The following MYO18B variants were observed in gnomAD, a reference collection of about 807,000 sequenced individuals.
MYO18B encodes myosin XVIIIB, also known as unconventional myosin-XVIIIb.
A neutral mutation model predicts 273.0 loss-of-function variants in MYO18B; 204 were observed. The ratio of observed to expected loss-of-function variants is 0.75; its 90% CI spans 0.67 to 0.84. MYO18B has a LOEUF of 0.84. Ranked by LOEUF, MYO18B falls within the 40% of genes least tolerant of loss-of-function variation. The pLI, the probability that MYO18B is intolerant of heterozygous loss-of-function variation, is 0.00. For synonymous variants in MYO18B, 1,330 were observed against 1,305.7 expected, an observed-to-expected ratio of 1.02 and a Z score of -0.40; for missense variants, 3,212 against 3,287.6, an observed-to-expected ratio of 0.98 and a Z score of 0.56.
At chr22:25,895,369 G>A (rs1601503755) in intron 28 of MYO18B, 89 bp downstream of exon 28, 8 of 1,470,822 alleles carry the variant, frequency 5.4e-6, no homozygotes, top group East Asian at 2.5e-5. Context: ...TATTAGCTGA[G>A]CCTGAAGAGG....
At chr22:25,790,158 A>AAC (rs2087596854) in intron 11 of MYO18B, among the ~76,000 whole-genome samples, 1 of 152,070 alleles carries the variant, frequency 6.6e-6, no homozygotes, top group Admixed American at 6.5e-5. Context: ...GTCTCAAAAA[A>AAC]AAACAACAAA....
intron 34 of MYO18B, among the ~76,000 whole-genome samples, chr22:25,929,751 A>C (rs958576944): frequency 1.3e-5 from 2 of 152,084 alleles, no homozygotes; most frequent in Non-Finnish European, 2.9e-5. Flanking sequence ...TCTGAAATGC[A>C]TCCCCCGTCT....
chr22:25,752,668 A>ATTT (rs1412139880), intron 1 of MYO18B, among the ~76,000 whole-genome samples: 15 of 151,440 alleles, frequency 9.9e-5, no homozygotes, highest in African/African-American at 2.2e-4. Flanking sequence ...TTAAAAAAAA[A>ATTT]TTTTTTTAGA....
At position 25,913,123 on chromosome 22, in the gene MYO18B, T is replaced by C. The variant is rs2092191150; in HGVS notation, c.5364+2073T>C. ...GGTATGTAGCTGGAAGAAGAATTGC[T>C]GGCTCCTGGGAATGTACAATTTGGG... On this transcript the variant is annotated intron_variant, in intron 33 of 43. Coordinates refer to ENST00000335473, the MANE Select transcript of MYO18B (RefSeq NM_032608.7). Among the ~76,000 whole-genome samples, 3 of 152,312 alleles carry C rather than the reference T, an allele frequency of 2.0e-5. No homozygotes were observed. The South Asian group carries it at 6.2e-4, about 32-fold the overall frequency.
intron 33 of MYO18B, among the ~76,000 whole-genome samples, chr22:25,920,581 G>T (rs1370348759): frequency 1.3e-5 from 2 of 152,170 alleles, no homozygotes; most frequent in Non-Finnish European, 2.9e-5. Flanking sequence ...TCTGGGTAAG[G>T]TTCCTCTGCA....
At chr22:25,763,156 C>T in intron 2 of MYO18B, 75 bp from the exon 3 acceptor site, 1 of 1,571,310 alleles carries the variant, frequency 6.4e-7, no homozygotes, top group Non-Finnish European at 8.7e-7. Context: ...CAGGCTCCAT[C>T]ACAAACTTTG....
At chr22:25,809,245 T>C (rs967047018) in intron 12 of MYO18B, among the ~76,000 whole-genome samples, 83 of 152,200 alleles carry the variant, frequency 5.5e-4, no homozygotes, top group African/African-American at 2.0e-3. Context: ...CCTGGGCTGG[T>C]CTTTAACCTT....
intron 43 of MYO18B, among the ~76,000 whole-genome samples, chr22:26,029,456 G>A (rs56165372): frequency 0.065 from 9,845 of 152,144 alleles, 388 homozygotes; most frequent in Middle Eastern, 0.15. Flanking sequence ...ACCGAGTAAA[G>A]ATCTGATATT....
intron 25 of MYO18B, among the ~76,000 whole-genome samples, chr22:25,885,740 T>C (rs1040771925): frequency 4.6e-5 from 7 of 152,152 alleles, no homozygotes; most frequent in Non-Finnish European, 1.0e-4. Flanking sequence ...CTTAGGATTA[T>C]TTCCTCTTTG....
intron 34 of MYO18B, among the ~76,000 whole-genome samples, chr22:25,935,073 T>C (rs902541448): frequency 3.3e-5 from 5 of 152,268 alleles, no homozygotes; most frequent in Non-Finnish European, 5.9e-5. Flanking sequence ...CCATTAATAG[T>C]GTAACTGAAA....
intron 3 of MYO18B, among the ~76,000 whole-genome samples, chr22:25,764,941 G>T (rs540517491): frequency 6.6e-6 from 1 of 152,210 alleles, no homozygotes; most frequent in Non-Finnish European, 1.5e-5. Flanking sequence ...GGCAGAGCGA[G>T]GGGGAGAGCC....
chr22:25,886,033 T>G (rs2091488301), intron 25 of MYO18B, among the ~76,000 whole-genome samples: 1 of 152,244 alleles, frequency 6.6e-6, no homozygotes, highest in Non-Finnish European at 1.5e-5. Context: ...AGAGTCAGTT[T>G]GGCAGAGTGG....
intron 22 of MYO18B, among the ~76,000 whole-genome samples, chr22:25,870,398 A>C (rs556800600): frequency 6.6e-6 from 1 of 152,374 alleles, no homozygotes; most frequent in Non-Finnish European, 1.5e-5. Flanking sequence ...TGAATACTGT[A>C]GGCAGTTGTA....
chr22:25,792,487 T>TTTTTC lies in MYO18B; in HGVS notation c.2377-5456_2377-5452dup, dbSNP rs1248848899. Among the ~76,000 whole-genome samples, 13 of 70,566 alleles carry TTTTTC rather than the reference T, an allele frequency of 1.8e-4. 1 individual carries two copies. The highest frequency in any genetic ancestry group is 5.0e-4 in the African/African-American group (12 of 23,986). The allele number at this position is 70,566 out of a possible 152,430, so 46.3% of individuals were successfully genotyped here. A position where few individuals can be genotyped will look rare whatever the true frequency, so the allele number is the denominator to read the frequency against. On this transcript the variant is annotated intron_variant, in intron 11 of 43. Coordinates refer to ENST00000335473, the MANE Select transcript of MYO18B (RefSeq NM_032608.7). ...GGGCACCTATGTGATGTTTCTTTTT[T>TTTTTC]TTTTCTTTTCTTTTTTTTTTTTTTT...
chr22:25,906,142 G>A (rs1169030883), intron 31 of MYO18B, among the ~76,000 whole-genome samples: 1 of 152,042 alleles, frequency 6.6e-6, no homozygotes, highest in Non-Finnish European at 1.5e-5. Context: ...ATAACCTCAG[G>A]CTGCATTGTG....
intron 1 of MYO18B, among the ~76,000 whole-genome samples, chr22:25,745,505 A>ACACACACG (rs1555879834): frequency 1.2e-4 from 18 of 147,580 alleles, no homozygotes; most frequent in African/African-American, 4.1e-4. Context: ...ACACACACGC[A>ACACACACG]CACACATCTC....
chr22:25,798,493 G>T (rs1169358339), intron 12 of MYO18B, among the ~76,000 whole-genome samples: 2 of 152,164 alleles, frequency 1.3e-5, no homozygotes, highest in East Asian at 3.8e-4. Context: ...TGGCAGTACA[G>T]TAGGGCAGCT....
intron 33 of MYO18B, among the ~76,000 whole-genome samples, chr22:25,918,848 C>T (rs1401237668): frequency 6.6e-6 from 1 of 152,212 alleles, no homozygotes; most frequent in Non-Finnish European, 1.5e-5. Context: ...GTAAGTAAAT[C>T]TGAGTTTATG....
intron 35 of MYO18B, among the ~76,000 whole-genome samples, chr22:25,947,156 C>T (rs1406756114): frequency 6.6e-6 from 1 of 151,818 alleles, no homozygotes; most frequent in Non-Finnish European, 1.5e-5. Flanking sequence ...CGTGTATACA[C>T]AGGAATGAAT....
Sources: allele counts gnomAD v4.1 joint callset (sites outside exome capture counted in the v4.1 genomes callset), GRCh38; gene constraint gnomAD v4.1.1; transcripts MANE v1.5; gene names NCBI Gene and HGNC (gene_info 2026-07-23, HGNC 2026-07-21).